The following GRAMD1B variants were observed in gnomAD, a reference collection of about 807,000 sequenced individuals.
GRAMD1B encodes GRAM domain containing 1B, also known as protein Aster-B.
GRAMD1B carries 37 observed loss-of-function variants against 99.7 expected under a neutral mutation model. That is an observed-to-expected ratio of 0.37 (90% CI 0.29 to 0.49). The LOEUF is 0.49. GRAMD1B is among the 20% of genes least tolerant of loss of function. GRAMD1B has a pLI of 0.98. For synonymous variants in GRAMD1B, 427 were observed against 387.6 expected, an observed-to-expected ratio of 1.10 and a Z score of -1.19; for missense variants, 888 against 1,009.2, an observed-to-expected ratio of 0.88 and a Z score of 1.63.
At chr11:123,505,648 G>A (rs1314776106) in intron 2 of GRAMD1B, among the ~76,000 whole-genome samples, 1 of 152,160 alleles carries the variant, frequency 6.6e-6, no homozygotes, top group Non-Finnish European at 1.5e-5. Flanking sequence ...ACAGGGCTAA[G>A]TAACTTGCTC....
chr11:123,481,284 A>T (rs1026229496), intron 2 of GRAMD1B, among the ~76,000 whole-genome samples: 8 of 152,122 alleles, frequency 5.3e-5, no homozygotes, highest in Non-Finnish European at 1.0e-4. Flanking sequence ...GTAAAGCCTC[A>T]TCTCTACTGA....
At chr11:123,412,744 AC>A (rs1476784355) in intron 1 of GRAMD1B, among the ~76,000 whole-genome samples, 1 of 152,016 alleles carries the variant, frequency 6.6e-6, no homozygotes, top group Non-Finnish European at 1.5e-5. Context: ...AACCCTAAAG[AC>A]CCATATGCCC....
chr11:123,598,157 G>A, intron 7 of GRAMD1B: 1 of 1,552,530 alleles, frequency 6.4e-7, no homozygotes, highest in Non-Finnish European at 8.9e-7. Context: ...GCCATGCCAT[G>A]AGCATGATGC....
intron 12 of GRAMD1B, 24 bp downstream of exon 12, chr11:123,608,826 C>T (rs1400243177): frequency 7.2e-7 from 1 of 1,380,328 alleles, no homozygotes; most frequent in African/African-American, 1.4e-5. Flanking sequence ...GGACTGTACC[C>T]CCCATTCCTC....
In GRAMD1B at chr11:123,492,513, A is replaced by G. The variant is rs1938666149; in HGVS notation, c.452+11620A>G. 6.6e-6 allele frequency among the ~76,000 whole-genome samples: 1 copy of G among 152,162 alleles called. No homozygotes were observed. Among genetic ancestry groups the G allele is most frequent in the South Asian group, 2.1e-4 (1 of 4,832 alleles). On this transcript the variant is annotated intron_variant, in intron 2 of 19. Coordinates refer to ENST00000635736, the MANE Select transcript of GRAMD1B (RefSeq NM_001387025.1). This position sits in a 1 kb window ranked among gnomAD's most constrained non-coding sequence, Gnocchi z 4.2. The stretch of plus-strand genomic sequence containing the variant: ...CCCCCATACCTGGCAGATGGGCTGC[A>G]GTGGCTCCTGGCTGAATCTGCCCTG...
intron 15 of GRAMD1B, 57 bp from the exon 16 acceptor site, chr11:123,613,398 A>C: frequency 3.2e-6 from 4 of 1,238,280 alleles, no homozygotes; most frequent in Non-Finnish European, 4.6e-6. Context: ...GGTTCTGCAG[A>C]GAGTTGCATT....
chr11:123,361,184 A>G (rs1408889472), intron 1 of GRAMD1B, among the ~76,000 whole-genome samples: 1 of 152,020 alleles, frequency 6.6e-6, no homozygotes, highest in Non-Finnish European at 1.5e-5. Context: ...CTTTTCCACC[A>G]TAGTAGTCAT....
rs1953913725 is a variant in GRAMD1B, at chr11:123,613,619, A to G, written c.2188A>G (p.Thr730Ala). The change falls in exon 16 of 20, where the codon ACA becomes GCA. Residue 730 changes from threonine to alanine, a missense_variant. By Grantham distance (58) the Thr-to-Ala change is moderately conservative (BLOSUM62 0). Around this residue, in one of 5 missense-constraint regions of GRAMD1B, gnomAD observed 232 missense variants for 261.7 expected, o/e 0.89. Coordinates refer to ENST00000635736, the MANE Select transcript of GRAMD1B (RefSeq NM_001387025.1). The stretch of plus-strand genomic sequence containing the variant: ...GGTGATGAGCCCGGTCACCACGCCC[A>G]CAGATGAGGATGTGGGCCACAGGAT... ...EEVMSPVTTP[T>A]DEDVGHRIKH... 6.2e-7 allele frequency: 1 copy of G among 1,613,774 alleles called. No homozygotes were observed. Among genetic ancestry groups the G allele is most frequent in the Admixed American group, 1.7e-5 (1 of 60,002 alleles).
At chr11:123,501,425 C>G (rs545783705) in intron 2 of GRAMD1B, among the ~76,000 whole-genome samples, 1 of 152,160 alleles carries the variant, frequency 6.6e-6, no homozygotes, top group African/African-American at 2.4e-5. Context: ...CCTGCCTAGG[C>G]CTCCCAAAGA....
intron 1 of GRAMD1B, among the ~76,000 whole-genome samples, chr11:123,412,703 A>G (rs1337836587): frequency 1.3e-5 from 2 of 152,078 alleles, no homozygotes; most frequent in Non-Finnish European, 2.9e-5. Context: ...TTTCTCCATA[A>G]TTTTGTCTGA....
chr11:123,372,324 C>T (rs1020676028), intron 1 of GRAMD1B, among the ~76,000 whole-genome samples: 6 of 152,122 alleles, frequency 3.9e-5, no homozygotes, highest in African/African-American at 1.4e-4. Flanking sequence ...TTTATATGTT[C>T]CTGGCCATTT....
intron 2 of GRAMD1B, among the ~76,000 whole-genome samples, chr11:123,551,642 G>A (rs527722579): frequency 6.6e-6 from 1 of 152,284 alleles, no homozygotes; most frequent in South Asian, 2.1e-4. Flanking sequence ...GTAAACCTGG[G>A]ATTGTGGGCA....
chr11:123,566,516 C>T (rs1228897792), intron 2 of GRAMD1B, among the ~76,000 whole-genome samples: 1 of 152,170 alleles, frequency 6.6e-6, no homozygotes, highest in African/African-American at 2.4e-5. Flanking sequence ...CCTGTAATCC[C>T]AGCACTTTGG....
At chr11:123,617,485 A>G (rs1592304042) in intron 17 of GRAMD1B, among the ~76,000 whole-genome samples, 1 of 152,128 alleles carries the variant, frequency 6.6e-6, no homozygotes, top group Non-Finnish European at 1.5e-5. Flanking sequence ...CACCATGCCC[A>G]GCCTATCTTC....
chr11:123,505,928 TCAAGGTCTTC>T (rs1474117367), intron 2 of GRAMD1B, among the ~76,000 whole-genome samples: 2 of 152,258 alleles, frequency 1.3e-5, no homozygotes, highest in African/African-American at 4.8e-5. Flanking sequence ...TAGTGACCTC[TCAAGGTCTTC>T]CTTATTTCAA....
At chr11:123,560,069 C>T (rs71478412) in intron 2 of GRAMD1B, among the ~76,000 whole-genome samples, 10 of 148,714 alleles carry the variant, frequency 6.7e-5, no homozygotes, top group Non-Finnish European at 1.2e-4. Flanking sequence ...GAAATAACCC[C>T]CCCCCCCGCA....
intron 1 of GRAMD1B, among the ~76,000 whole-genome samples, chr11:123,361,910 C>G (rs1288043551): frequency 6.6e-6 from 1 of 152,190 alleles, no homozygotes; most frequent in East Asian, 1.9e-4. Context: ...GGTAAGTAGG[C>G]ACATGGTCTT....
At chr11:123,371,432 A>AT (rs201536802) in intron 1 of GRAMD1B, among the ~76,000 whole-genome samples, 6 of 151,702 alleles carry the variant, frequency 4.0e-5, no homozygotes, top group African/African-American at 1.5e-4. Flanking sequence ...AAACCACAGA[A>AT]TTTTTTTTTA....
chr11:123,618,382 AC>A (rs1394123799), intron 17 of GRAMD1B: 1 of 1,586,902 alleles, frequency 6.3e-7, no homozygotes. Context: ...TTTCTCCTTT[AC>A]CCCCTCATCT....
Sources: allele counts gnomAD v4.1 joint callset (sites outside exome capture counted in the v4.1 genomes callset), GRCh38; gene constraint gnomAD v4.1.1; regional missense constraint gnomAD v4.1.1; non-coding constraint Gnocchi (gnomAD v3.1); transcripts MANE v1.5; gene names NCBI Gene and HGNC (gene_info 2026-07-23, HGNC 2026-07-21).